The following FNIP1 variants were observed in gnomAD, a reference collection of about 807,000 sequenced individuals.
FNIP1 encodes the protein folliculin interacting protein 1.
A neutral mutation model predicts 124.5 loss-of-function variants in FNIP1; 40 were observed. That is an observed-to-expected ratio of 0.32 (90% CI 0.25 to 0.42). The LOEUF is 0.42. Among genes scored for constraint, FNIP1 ranks in the 10% least tolerant of loss-of-function variants. FNIP1 has a pLI of 1.00. For missense variants in FNIP1, 1,176 were observed against 1,403.7 expected, an observed-to-expected ratio of 0.84 and a Z score of 2.59; for synonymous variants, 472 against 470.6, an observed-to-expected ratio of 1.00 and a Z score of -0.04.
intron 1 of FNIP1, among the ~76,000 whole-genome samples, chr5:131,752,236 G>C (rs1034674017): frequency 6.6e-6 from 1 of 152,034 alleles, no homozygotes; most frequent in African/African-American, 2.4e-5. Context: ...GTAGAGACAG[G>C]GTTTCACCTT....
Position 131,671,843 on chromosome 5 carries a change from T to C in FNIP1, c.2601A>G (p.Leu867=). The change falls in exon 14 of 18, where the codon TTA becomes TTG. Residue 867 remains leucine (L), a synonymous_variant. Transcript: ENST00000510461. ...TTGTACACAATATTTTTGAAAACTC[T>C]AACATACAGCAATGGTCTTTACTAT... ...STDSKDHCCM[L]EFSKILCTKN... 1.2e-6 allele frequency: 2 copies of C among 1,614,070 alleles called. No homozygotes were observed. Among genetic ancestry groups the C allele is most frequent in the South Asian group, 2.2e-5 (2 of 91,082 alleles).
chr5:131,782,952 C>T (rs1236921131), intron 1 of FNIP1, among the ~76,000 whole-genome samples: 2 of 152,198 alleles, frequency 1.3e-5, no homozygotes, highest in Non-Finnish European at 2.9e-5. Flanking sequence ...CGTGAGCCAC[C>T]GCGCCTGGTC....
intron 13 of FNIP1, among the ~76,000 whole-genome samples, chr5:131,675,981 C>T (rs558828380): frequency 7.0e-4 from 107 of 151,910 alleles, no homozygotes; most frequent in African/African-American, 2.5e-3. Context: ...GCCTCAGCCT[C>T]CTAAGTGGCT....
chr5:131,668,387 C>T (rs954595009), intron 15 of FNIP1, among the ~76,000 whole-genome samples: 1 of 152,052 alleles, frequency 6.6e-6, no homozygotes, highest in Admixed American at 6.6e-5. Context: ...TACAACAGAT[C>T]GAAATTTGTC....
intron 1 of FNIP1, among the ~76,000 whole-genome samples, chr5:131,749,897 C>G (rs1231184804): frequency 1.3e-5 from 2 of 152,070 alleles, no homozygotes; most frequent in Non-Finnish European, 2.9e-5. Flanking sequence ...TGTGTAAGTA[C>G]ACTGTGTGAT....
intron 2 of FNIP1, among the ~76,000 whole-genome samples, chr5:131,742,614 A>G (rs1470356211): frequency 6.6e-6 from 1 of 152,280 alleles, no homozygotes; most frequent in East Asian, 1.9e-4. Flanking sequence ...GAAGAACATG[A>G]GAAGTTACTT....
chr5:131,650,095 C>T lies in FNIP1; in HGVS notation c.3306+1707G>A, dbSNP rs143782647. 4.7e-3 allele frequency among the ~76,000 whole-genome samples: 714 copies of T among 152,216 alleles called. 8 individuals are homozygous for T. The highest frequency in any genetic ancestry group is 0.016 in the African/African-American group (678 of 41,544). On this transcript the variant is annotated intron_variant, in intron 16 of 17. Coordinates refer to ENST00000510461, the MANE Select transcript of FNIP1 (RefSeq NM_133372.3). Reference sequence around the variant, plus strand: ...GTTGTTTTTCAAGATTGTTTTATCTCTTTGGGGTCTCTTGAGATTCTTAAT... The same window carrying T: ...GTTGTTTTTCAAGATTGTTTTATCTTTTTGGGGTCTCTTGAGATTCTTAAT...
At chr5:131,782,393 CA>C (rs1177094395) in intron 1 of FNIP1, among the ~76,000 whole-genome samples, 2 of 151,642 alleles carry the variant, frequency 1.3e-5, no homozygotes, top group Non-Finnish European at 2.9e-5. Context: ...TACCAAAAAA[CA>C]AAAAAACAAA....
At chr5:131,748,244 C>T (rs1233478652) in intron 1 of FNIP1, among the ~76,000 whole-genome samples, 3 of 152,120 alleles carry the variant, frequency 2.0e-5, no homozygotes, top group African/African-American at 7.2e-5. Flanking sequence ...TTCAAAAACT[C>T]CTATTGCCTA....
Position 131,719,014 on chromosome 5 carries a change from C to T in FNIP1, c.502G>A (p.Gly168Ser). Residue 168 changes from glycine to serine, a missense_variant, in exon 5 of 18, where the codon GGC becomes AGC. Transcript: ENST00000510461. ...TTGAGACTCCCACAAATACTGCTGC[C>T]AGTCCGAGCAGTAAACACTTTGCTG... ...MLSKVFTART[G>S]SSICGSLNTL... is the part of the protein sequence containing the mutation. 1 of 1,613,490 alleles carries T rather than the reference C, an allele frequency of 6.2e-7. No homozygotes were observed. Among genetic ancestry groups the T allele is most frequent in the Non-Finnish European group, 8.5e-7 (1 of 1,179,542 alleles).
At chr5:131,665,876 A>T (rs1211361725) in intron 15 of FNIP1, among the ~76,000 whole-genome samples, 1 of 150,380 alleles carries the variant, frequency 6.6e-6, no homozygotes, top group Non-Finnish European at 1.5e-5. Context: ...GGCGTGAGCC[A>T]CAGCGCTTGG....
intron 11 of FNIP1, among the ~76,000 whole-genome samples, chr5:131,683,185 G>T (rs1200660646): frequency 6.6e-6 from 1 of 151,990 alleles, no homozygotes; most frequent in African/African-American, 2.4e-5. Flanking sequence ...GTCTTCAGGG[G>T]ATTGGTTCCA....
chr5:131,789,260 G>A lies in FNIP1; in HGVS notation c.92+7570C>T, dbSNP rs72791156. Among the ~76,000 whole-genome samples the A allele has an allele frequency of 6.1e-3, 927 of 152,180 alleles. 10 individuals are homozygous for A. Among genetic ancestry groups the A allele is most frequent in the Non-Finnish European group, 9.9e-3 (676 of 68,012 alleles). On this transcript the variant is annotated intron_variant, in intron 1 of 17. Transcript: ENST00000510461. Reference sequence around the variant, plus strand: ...AATAGTGGTTACAAGAGGCTGGGACGTGTATAATCCAATCAATTAAAAATA... The same window carrying A: ...AATAGTGGTTACAAGAGGCTGGGACATGTATAATCCAATCAATTAAAAATA...
At chr5:131,665,949 T>G (rs896896643) in intron 15 of FNIP1, among the ~76,000 whole-genome samples, 20 of 147,718 alleles carry the variant, frequency 1.4e-4, no homozygotes, top group African/African-American at 5.0e-4. Flanking sequence ...TCGCCCAGGC[T>G]GGAGTGCAGT....
intron 1 of FNIP1, among the ~76,000 whole-genome samples, chr5:131,765,923 T>C (rs964216134): frequency 9.2e-5 from 14 of 152,216 alleles, no homozygotes; most frequent in Admixed American, 9.2e-4. Flanking sequence ...TACATCTTCT[T>C]TGCCAAGTAT....
At chr5:131,670,826 T>C (rs1767728268) in intron 14 of FNIP1, among the ~76,000 whole-genome samples, 195 bp from the exon 15 acceptor site, 1 of 151,654 alleles carries the variant, frequency 6.6e-6, no homozygotes. Context: ...AAATCAAGAG[T>C]AAAATCATCG....
intron 6 of FNIP1, among the ~76,000 whole-genome samples, chr5:131,715,323 T>C (rs1580779372): frequency 2.0e-5 from 3 of 151,970 alleles, no homozygotes; most frequent in East Asian, 3.9e-4. Flanking sequence ...CTGTCTCTAT[T>C]AAAAATACAA....
chr5:131,708,447 T>G (rs985865251), intron 8 of FNIP1, among the ~76,000 whole-genome samples: 7 of 152,178 alleles, frequency 4.6e-5, no homozygotes, highest in Non-Finnish European at 1.0e-4. Context: ...CAACAAACAC[T>G]TTTCCTTTTA....
At chr5:131,660,440 G>A (rs1331816927) in intron 15 of FNIP1, among the ~76,000 whole-genome samples, 1 of 152,036 alleles carries the variant, frequency 6.6e-6, no homozygotes, top group Non-Finnish European at 1.5e-5. Context: ...GGCTCCACCT[G>A]GACTGACAAC....
Sources: allele counts gnomAD v4.1 joint callset (sites outside exome capture counted in the v4.1 genomes callset), GRCh38; gene constraint gnomAD v4.1.1; transcripts MANE v1.5; gene names NCBI Gene and HGNC (gene_info 2026-07-23, HGNC 2026-07-21).